STXBP5L: variants seen among roughly 807,000 people sequenced by gnomAD.
STXBP5L encodes the protein syntaxin binding protein 5L.
Under a neutral mutation model 144.5 loss-of-function variants are expected in STXBP5L, and 65 were observed. The ratio of observed to expected loss-of-function variants is 0.45; its 90% CI spans 0.37 to 0.55. The LOEUF (loss-of-function observed/expected upper bound fraction) is 0.55, where lower values mean the gene tolerates loss of function less well. Ranked by LOEUF, STXBP5L falls within the 20% of genes least tolerant of loss-of-function variation. STXBP5L has a pLI of 0.00. For synonymous variants in STXBP5L, 505 were observed against 469.6 expected (o/e 1.08, Z -0.97); for missense variants, 1,298 against 1,405.5 (o/e 0.92, Z 1.22).
chr3:121,099,498 T>A (rs928489091), intron 5 of STXBP5L: 1 of 152,378 alleles, frequency 6.6e-6, no homozygotes, highest in African/African-American at 2.4e-5. Context: ...TGAACACTTA[T>A]GCCCAAGAAT....
chr3:121,217,442 TTCAA>T (rs1051403157), intron 10 of STXBP5L, among the ~76,000 whole-genome samples: 3 of 152,104 alleles, frequency 2.0e-5, no homozygotes, highest in Non-Finnish European at 2.9e-5. Flanking sequence ...GAGGAAGTTC[TTCAA>T]CCCCTTGCAC....
intron 20 of STXBP5L, among the ~76,000 whole-genome samples, chr3:121,331,538 A>G (rs192497940): frequency 1.5e-3 from 222 of 152,244 alleles, no homozygotes; most frequent in African/African-American, 4.8e-3. Flanking sequence ...AATAGGTGAA[A>G]CACTGGGTGA....
intron 3 of STXBP5L, among the ~76,000 whole-genome samples, chr3:121,007,051 T>C (rs931393531): frequency 1.3e-5 from 2 of 152,116 alleles, no homozygotes; most frequent in Admixed American, 1.3e-4. Flanking sequence ...TCTTGAGGAG[T>C]ATCTTTGTGG....
chr3:121,218,169 A>G (rs191253085), intron 10 of STXBP5L, among the ~76,000 whole-genome samples: 53 of 141,094 alleles, frequency 3.8e-4, no homozygotes, highest in Middle Eastern at 7.9e-3. Context: ...ATAATATACT[A>G]TACTATATAT....
intron 18 of STXBP5L, among the ~76,000 whole-genome samples, chr3:121,273,389 T>A (rs1003490855): frequency 3.9e-5 from 6 of 152,140 alleles, no homozygotes; most frequent in African/African-American, 1.4e-4. Context: ...TTAGCACTAT[T>A]ACTGTTCCCT....
chr3:121,132,329 C>A (rs1429000472), intron 7 of STXBP5L, among the ~76,000 whole-genome samples: 1 of 152,202 alleles, frequency 6.6e-6, no homozygotes, highest in Non-Finnish European at 1.5e-5. Flanking sequence ...CTCACCAGTC[C>A]TGAAGCTCTG....
At chr3:121,393,126 T>C (rs1280015594) in intron 22 of STXBP5L, among the ~76,000 whole-genome samples, 1 of 152,010 alleles carries the variant, frequency 6.6e-6, no homozygotes, top group Non-Finnish European at 1.5e-5. Context: ...CCATTCTGAC[T>C]GGTATAAGAT....
At chr3:121,284,427 T>C (rs2108448843) in intron 19 of STXBP5L, among the ~76,000 whole-genome samples, 1 of 152,206 alleles carries the variant, frequency 6.6e-6, no homozygotes, top group Admixed American at 6.5e-5. Context: ...AGTGTCCAGG[T>C]TTGTACACAG....
chr3:121,095,930 G>T (rs1178461286), intron 5 of STXBP5L, among the ~76,000 whole-genome samples: 2 of 152,078 alleles, frequency 1.3e-5, no homozygotes, highest in African/African-American at 4.8e-5. Flanking sequence ...TCTACCTTTG[G>T]TCTTCAATGA....
chr3:121,293,685 C>A (rs2051535798), intron 19 of STXBP5L, among the ~76,000 whole-genome samples: 1 of 152,124 alleles, frequency 6.6e-6, no homozygotes, highest in South Asian at 2.1e-4. Flanking sequence ...TATGGCGAAA[C>A]CCTGTCTCTA....
At chr3:121,124,107 A>G (rs1361635600) in intron 7 of STXBP5L, among the ~76,000 whole-genome samples, 9 of 151,870 alleles carry the variant, frequency 5.9e-5, no homozygotes, top group Admixed American at 5.9e-4. Context: ...TTTTTCACTG[A>G]TTTATACACC....
At chr3:121,416,571 G>C (rs2047243796) in intron 25 of STXBP5L, among the ~76,000 whole-genome samples, 1 of 151,178 alleles carries the variant, frequency 6.6e-6, no homozygotes, top group Admixed American at 6.6e-5. Flanking sequence ...GCAGTGGCCT[G>C]ATCTAGGCTC....
chr3:120,987,691 T>A (rs1576582560), intron 3 of STXBP5L, among the ~76,000 whole-genome samples: 1 of 151,752 alleles, frequency 6.6e-6, no homozygotes, highest in African/African-American at 2.4e-5. Context: ...ATATTGATGA[T>A]TTTTTCCTTT....
chr3:121,094,192 C>T (rs973253936), intron 5 of STXBP5L, among the ~76,000 whole-genome samples: 1 of 151,994 alleles, frequency 6.6e-6, no homozygotes, highest in Non-Finnish European at 1.5e-5. Context: ...TTACTTCCAA[C>T]TATGTGGTCA....
At chr3:121,397,214 G>A (rs1020448904) in intron 22 of STXBP5L, among the ~76,000 whole-genome samples, 11 of 152,108 alleles carry the variant, frequency 7.2e-5, no homozygotes, top group East Asian at 5.8e-4. Context: ...GTAAAGAAAC[G>A]GTCTTTTAAA....
chr3:121,011,179 G>A (rs1944747036), intron 3 of STXBP5L, among the ~76,000 whole-genome samples: 1 of 150,472 alleles, frequency 6.6e-6, no homozygotes, highest in African/African-American at 2.4e-5. Context: ...AAACTATCCC[G>A]GTAACATTTA....
chr3:121,408,797 A>G (rs990168742), intron 23 of STXBP5L, among the ~76,000 whole-genome samples: 4 of 151,958 alleles, frequency 2.6e-5, no homozygotes, highest in African/African-American at 4.8e-5. Context: ...ATTGAAGGCA[A>G]CGAGGAAACA....
intron 5 of STXBP5L, among the ~76,000 whole-genome samples, chr3:121,070,913 C>T (rs2041782010): frequency 2.0e-5 from 3 of 152,188 alleles, no homozygotes; most frequent in Admixed American, 1.3e-4. Context: ...ACTTTAAACC[C>T]GAAGTCATAG....
chr3:121,382,406 A>G (rs1480702386), intron 22 of STXBP5L, among the ~76,000 whole-genome samples: 1 of 152,112 alleles, frequency 6.6e-6, no homozygotes, highest in Non-Finnish European at 1.5e-5. Flanking sequence ...AATCGTGATG[A>G]CAATTTTATT....
Sources: gnomAD v4.1 joint callset for allele counts (sites outside exome capture counted in the v4.1 genomes callset) on GRCh38, gnomAD v4.1.1 for gene constraint, MANE v1.5 for transcripts, NCBI Gene and HGNC (gene_info 2026-07-23, HGNC 2026-07-21) for gene names.